MSI2: variants seen among roughly 807,000 people sequenced by gnomAD.
The protein encoded by MSI2 is RNA-binding protein Musashi homolog 2.
In MSI2, 17 loss-of-function variants were observed where a neutral mutation model predicts 45.6. The observed-to-expected ratio is 0.37, with a 90% confidence interval of 0.26 to 0.56. MSI2 has a LOEUF of 0.56. Ranked by LOEUF, MSI2 falls within the 20% of genes least tolerant of loss-of-function variation. The pLI is 0.77. For missense variants in MSI2, 293 were observed against 444.2 expected, an observed-to-expected ratio of 0.66 and a Z score of 3.06; for synonymous variants, 156 against 158.2, an observed-to-expected ratio of 0.99 and a Z score of 0.11.
At chr17:57,546,295 C>T (rs931972928) in intron 7 of MSI2, among the ~76,000 whole-genome samples, 7 of 152,258 alleles carry the variant, frequency 4.6e-5, no homozygotes, top group African/African-American at 1.2e-4. Context: ...CTAATAGCAG[C>T]GGCAACAAGG....
chr17:57,518,326 C>A (rs574849043), intron 6 of MSI2, among the ~76,000 whole-genome samples: 1 of 152,280 alleles, frequency 6.6e-6, no homozygotes, highest in South Asian at 2.1e-4. Flanking sequence ...CTCCTCTCCC[C>A]CTCCCCTCCC....
chr17:57,502,602 GATATATATATATAT>G lies in MSI2; in HGVS notation c.406-27052_406-27039del, dbSNP rs57142800. ...CAGGGAATGGAGAAGATGACTCTGA[GATATATATATATAT>G]ATATATATATATATATATATAGTCA... On this transcript the variant is annotated intron_variant, in intron 6 of 13. Coordinates refer to ENST00000284073, the MANE Select transcript of MSI2 (RefSeq NM_138962.4). 2.1e-3 allele frequency among the ~76,000 whole-genome samples: 113 copies of G among 54,418 alleles called. 3 individuals are homozygous for G. In the East Asian group the frequency reaches 0.04, roughly 19 times the overall value. The allele number at this position is 54,418 out of a possible 152,430, so 35.7% of individuals were successfully genotyped here.
chr17:57,503,579 T>C (rs140833570), intron 6 of MSI2, among the ~76,000 whole-genome samples: 2 of 152,278 alleles, frequency 1.3e-5, no homozygotes, highest in Non-Finnish European at 2.9e-5. Flanking sequence ...AGACTCCAGG[T>C]CTTTAAAGTT....
At chr17:57,321,969 G>A (rs1913382734) in intron 5 of MSI2, among the ~76,000 whole-genome samples, 1 of 152,042 alleles carries the variant, frequency 6.6e-6, no homozygotes, top group African/African-American at 2.4e-5. Context: ...GCTAGTTTTT[G>A]TATTTTCAAT....
intron 11 of MSI2, among the ~76,000 whole-genome samples, chr17:57,663,116 G>A (rs1233365141): frequency 6.6e-6 from 1 of 152,126 alleles, no homozygotes; most frequent in Non-Finnish European, 1.5e-5. Context: ...CCGGCCTTAG[G>A]GCTGGGAGGG....
Position 57,682,285 on chromosome 17 carries a change from A to G in MSI2, c.*2768A>G, listed in dbSNP as rs1913650112. On this transcript the variant is annotated 3_prime_UTR_variant, in exon 14 of 14. Coordinates refer to ENST00000284073, the MANE Select transcript of MSI2 (RefSeq NM_138962.4). ...ACTAACCCAAGGTCTCACCATGTTA[A>G]AATGCCGGCGGACTCTACGGCGTTT... is the stretch of plus-strand genomic sequence containing the variant. 5.2e-6 allele frequency: 1 copy of G among 193,116 alleles called. No individual in the cohort carries two copies. Among genetic ancestry groups the G allele is most frequent in the African/African-American group, 2.3e-5 (1 of 42,840 alleles). 12.0% of individuals were successfully genotyped at this position (193,116 alleles called of 1,614,324 possible). A position where few individuals can be genotyped will look rare whatever the true frequency, so the allele number is the denominator to read the frequency against.
Position 57,682,448 on chromosome 17 carries a change from G to C in MSI2, c.*2931G>C, listed in dbSNP as rs1356150818. ...TGGTATATTAAAATGATTTTACTAA[G>C]AGAAAAAATATTTTTTTAAGAATGC... On this transcript the variant is annotated 3_prime_UTR_variant, in exon 14 of 14. Transcript: ENST00000284073. 3 of 189,506 alleles carry C rather than the reference G, an allele frequency of 1.6e-5. No individual in the cohort carries two copies. Among genetic ancestry groups the C allele is most frequent in the Non-Finnish European group, 1.1e-5 (1 of 91,118 alleles). 11.7% of individuals were successfully genotyped at this position (189,506 alleles called of 1,614,324 possible).
intron 5 of MSI2, among the ~76,000 whole-genome samples, chr17:57,293,457 C>G (rs976457746): frequency 2.6e-5 from 4 of 152,176 alleles, no homozygotes; most frequent in African/African-American, 9.7e-5. Flanking sequence ...CCTCCTCACG[C>G]TGCAACAGCG....
chr17:57,475,954 A>G (rs2085529124), intron 6 of MSI2, among the ~76,000 whole-genome samples: 3 of 152,226 alleles, frequency 2.0e-5, no homozygotes, highest in Admixed American at 1.3e-4. Flanking sequence ...AACAACAAAG[A>G]ACAAAGCCAC....
intron 10 of MSI2, among the ~76,000 whole-genome samples, chr17:57,645,160 G>T (rs1910558851): frequency 6.6e-6 from 1 of 152,130 alleles, no homozygotes; most frequent in African/African-American, 2.4e-5. Context: ...GCCTTTAAAA[G>T]ACACAGAGAC....
chr17:57,332,782 T>G (rs1914374380), intron 5 of MSI2, among the ~76,000 whole-genome samples: 1 of 152,076 alleles, frequency 6.6e-6, no homozygotes, highest in Non-Finnish European at 1.5e-5. Context: ...TCCCCACACT[T>G]TGGGAGGCCA....
chr17:57,371,437 C>T (rs530592362), intron 5 of MSI2, among the ~76,000 whole-genome samples: 9 of 151,838 alleles, frequency 5.9e-5, no homozygotes, highest in African/African-American at 1.5e-4. Context: ...ATCCCCCCAA[C>T]GCCACTATTT....
chr17:57,366,323 G>A (rs1917188867), intron 5 of MSI2, among the ~76,000 whole-genome samples: 1 of 152,200 alleles, frequency 6.6e-6, no homozygotes, highest in African/African-American at 2.4e-5. Context: ...GTGCTGGACA[G>A]CATCTGTCTC....
chr17:57,519,300 C>T (rs1238276212), intron 6 of MSI2, among the ~76,000 whole-genome samples: 1 of 152,154 alleles, frequency 6.6e-6, no homozygotes, highest in Non-Finnish European at 1.5e-5. Flanking sequence ...CAGGATGGGG[C>T]AGTGAATTGA....
At chr17:57,607,724 T>C (rs951327871) in intron 8 of MSI2, among the ~76,000 whole-genome samples, 2 of 152,220 alleles carry the variant, frequency 1.3e-5, no homozygotes, top group African/African-American at 4.8e-5. Context: ...GGCTTACAGT[T>C]CAGCGGGTTG....
At chr17:57,693,241 G>GGC in the MSI2 span, among the ~76,000 whole-genome samples, 2 of 129,006 alleles carry the variant, frequency 1.6e-5, no homozygotes, top group African/African-American at 5.1e-5. Context: ...AGAGTGCAGT[G>GGC]GCGCGATCTT....
intron 9 of MSI2, among the ~76,000 whole-genome samples, chr17:57,620,389 A>G (rs1908177140): frequency 6.6e-6 from 1 of 152,232 alleles, no homozygotes; most frequent in South Asian, 2.1e-4. Context: ...AAAATATGCT[A>G]TTAATTAAAC....
chr17:57,335,968 G>A (rs918068002), intron 5 of MSI2, among the ~76,000 whole-genome samples: 5 of 152,156 alleles, frequency 3.3e-5, no homozygotes, highest in East Asian at 1.9e-4. Context: ...GCATTTATTC[G>A]GTGTGCAAGG....
intron 7 of MSI2, among the ~76,000 whole-genome samples, chr17:57,535,283 A>G (rs548123754): frequency 2.0e-5 from 3 of 152,310 alleles, no homozygotes; most frequent in South Asian, 2.1e-4. Context: ...CCTTCCCTCC[A>G]ATTTCAGAGC....
Sources: gnomAD v4.1 joint callset for allele counts (sites outside exome capture counted in the v4.1 genomes callset) on GRCh38, gnomAD v4.1.1 for gene constraint, MANE v1.5 for transcripts, NCBI Gene and HGNC (gene_info 2026-07-23, HGNC 2026-07-21) for gene names.